The following VCF1 variants were observed in gnomAD, a reference collection of about 807,000 sequenced individuals.
The protein encoded by VCF1 is protein VCF1.
the VCF1 span, among the ~76,000 whole-genome samples, chr17:73,218,745 C>T: frequency 6.6e-6 from 1 of 151,994 alleles, no homozygotes; most frequent in Non-Finnish European, 1.5e-5. Flanking sequence ...AATGGCCAGG[C>T]GCAGTGGCTC....
the VCF1 span, chr17:73,207,585 ATC>A: frequency 9.7e-6 from 8 of 828,806 alleles, no homozygotes; most frequent in Non-Finnish European, 1.4e-5. Flanking sequence ...TTTGGAGAAA[ATC>A]TGTTTTGTTC....
the VCF1 span, among the ~76,000 whole-genome samples, chr17:73,222,826 C>A: frequency 6.6e-6 from 1 of 151,804 alleles, no homozygotes; most frequent in Non-Finnish European, 1.5e-5. Flanking sequence ...CTAGCTGCTC[C>A]TGGATATATT....
At chr17:73,228,409 A>G in the VCF1 span, among the ~76,000 whole-genome samples, 6 of 152,338 alleles carry the variant, frequency 3.9e-5, 2 homozygotes, top group South Asian at 6.2e-4. Flanking sequence ...TTTAATCCTA[A>G]AGGTTTTGAG....
chr17:73,221,994 G>A, the VCF1 span, among the ~76,000 whole-genome samples: 10 of 132,562 alleles, frequency 7.5e-5, no homozygotes, highest in African/African-American at 1.4e-4. Flanking sequence ...GCTGAGATGC[G>A]CCACTGCATT....
At chr17:73,218,606 C>T in the VCF1 span, among the ~76,000 whole-genome samples, 6,916 of 152,200 alleles carry the variant, frequency 0.045, 463 homozygotes, top group African/African-American at 0.15. Context: ...AAACTGCTGC[C>T]GGGCGCGGTG....
the VCF1 span, chr17:73,227,214 G>A: frequency 3.2e-6 from 5 of 1,582,372 alleles, no homozygotes; most frequent in South Asian, 5.8e-5. Flanking sequence ...ACTTCTTTTG[G>A]TCTGGGGGGG....
chr17:73,231,602 C>T, the VCF1 span, among the ~76,000 whole-genome samples: 2 of 152,198 alleles, frequency 1.3e-5, no homozygotes, highest in African/African-American at 2.4e-5. Flanking sequence ...CCGTTCAGGG[C>T]ACAAGTTCTT....
At chr17:73,229,839 G>A in the VCF1 span, among the ~76,000 whole-genome samples, 2 of 86,740 alleles carry the variant, frequency 2.3e-5, no homozygotes, top group South Asian at 9.1e-4. Flanking sequence ...CTGCACTCCA[G>A]CCTGGCCGAC....
At chr17:73,229,736 C>G in the VCF1 span, 1 of 231,228 alleles carries the variant, frequency 4.3e-6, no homozygotes, top group Non-Finnish European at 7.1e-6. Context: ...GGCGTGGTGG[C>G]GTGTGCCTGT....
the VCF1 span, chr17:73,208,351 C>G: frequency 6.2e-7 from 1 of 1,614,180 alleles, no homozygotes; most frequent in South Asian, 1.1e-5. Flanking sequence ...GGTGACCCGA[C>G]AGTTCCTGGC....
the VCF1 span, among the ~76,000 whole-genome samples, chr17:73,225,899 A>ATATATATTTTTTTTTT: frequency 8.7e-6 from 1 of 114,862 alleles, no homozygotes; most frequent in Non-Finnish European, 1.6e-5. Context: ...ATATATATAT[A>ATATATATTTTTTTTTT]TTTTTTTTTT....
chr17:73,212,787 T>C, the VCF1 span: 5 of 1,402,310 alleles, frequency 3.6e-6, no homozygotes, highest in Non-Finnish European at 4.9e-6. Flanking sequence ...TAAGTCAAGT[T>C]TTCATCTCAA....
At chr17:73,221,616 T>C in the VCF1 span, among the ~76,000 whole-genome samples, 1 of 152,108 alleles carries the variant, frequency 6.6e-6, no homozygotes, top group Admixed American at 6.6e-5. Context: ...AGGCTGGGCA[T>C]GGTGGCTCAC....
the VCF1 span, among the ~76,000 whole-genome samples, chr17:73,225,002 CAGGA>C: frequency 1.3e-5 from 2 of 152,162 alleles, no homozygotes; most frequent in African/African-American, 2.4e-5. Context: ...CAGGACAGGA[CAGGA>C]CAGCATAGGA....
the VCF1 span, chr17:73,207,526 T>C: frequency 1.7e-6 from 1 of 595,852 alleles, no homozygotes; most frequent in Non-Finnish European, 2.9e-6. Context: ...CTCTTGAATT[T>C]AGTAGGGTGA....
the VCF1 span, among the ~76,000 whole-genome samples, chr17:73,231,172 A>C: frequency 6.6e-6 from 1 of 152,212 alleles, no homozygotes; most frequent in Non-Finnish European, 1.5e-5. Flanking sequence ...GGTTTTCACT[A>C]TGGGACCAAA....
the VCF1 span, among the ~76,000 whole-genome samples, chr17:73,225,025 G>GACAGGACAGC: frequency 2.3e-5 from 1 of 43,250 alleles, no homozygotes; most frequent in Non-Finnish European, 5.5e-5. Flanking sequence ...GATAGGACAG[G>GACAGGACAGC]ACAGGACAGC....
At chr17:73,225,879 T>TA in the VCF1 span, among the ~76,000 whole-genome samples, 5,218 of 94,398 alleles carry the variant, frequency 0.055, 119 homozygotes, top group South Asian at 0.069. Flanking sequence ...TATATATATA[T>TA]ATAATATATA....
At chr17:73,224,275 A>AC in the VCF1 span, among the ~76,000 whole-genome samples, 1 of 151,220 alleles carries the variant, frequency 6.6e-6, no homozygotes, top group Non-Finnish European at 1.5e-5. Flanking sequence ...AAAAAAAAAA[A>AC]AAAAAAAAAA....
Sources: allele counts gnomAD v4.1 joint callset (sites outside exome capture counted in the v4.1 genomes callset), GRCh38; gene constraint gnomAD v4.1.1; transcripts MANE v1.5; gene names NCBI Gene and HGNC (gene_info 2026-07-23, HGNC 2026-07-21).